The following ATP2A2 variants were observed in gnomAD, a reference collection of about 807,000 sequenced individuals.
ATP2A2 encodes ATPase sarcoplasmic/endoplasmic reticulum Ca2+ transporting 2, also known as sarcoplasmic/endoplasmic reticulum calcium ATPase 2.
ATP2A2 carries 14 observed loss-of-function variants against 109.3 expected under a neutral mutation model. The ratio of observed to expected loss-of-function variants is 0.13; its 90% CI spans 0.08 to 0.20. ATP2A2 has a LOEUF of 0.20. ATP2A2 is among the 10% of genes least tolerant of loss of function. The probability of loss-of-function intolerance (pLI) is 1.00; values close to 1 mark genes in which losing one functional copy is unlikely to be tolerated. For missense variants in ATP2A2, 657 were observed against 1,321.6 expected, an observed-to-expected ratio of 0.50 and a Z score of 7.80; for synonymous variants, 506 against 490.9, an observed-to-expected ratio of 1.03 and a Z score of -0.41.
In ATP2A2 at chr12:110,348,795, T is replaced by G; in HGVS notation, c.*2325T>G. ...AGGCTGCTTTGCCCAGCAGGGAACA[T>G]TTGGGGCAGGGGGTAAATTTTGCCA... On this transcript the variant is annotated 3_prime_UTR_variant, in exon 20 of 20. Coordinates refer to ENST00000539276, the MANE Select transcript of ATP2A2 (RefSeq NM_170665.4). 1.0e-6 allele frequency: 1 copy of G among 985,380 alleles called. No homozygotes were observed. Among genetic ancestry groups the G allele is most frequent in the Non-Finnish European group, 1.2e-6 (1 of 829,992 alleles). 61.0% of individuals were successfully genotyped at this position (985,380 alleles called of 1,614,324 possible). A position where few individuals can be genotyped will look rare whatever the true frequency, so the allele number is the denominator to read the frequency against.
In ATP2A2 at chr12:110,303,206, ATG is replaced by A. The variant is rs552544080; in HGVS notation, c.463+6477_463+6478del. Among the ~76,000 whole-genome samples the A allele has an allele frequency of 1.2e-4, 19 of 152,314 alleles. No individual in the cohort carries two copies. In the South Asian group the frequency reaches 3.7e-3, roughly 30 times the overall value. On this transcript the variant is annotated intron_variant, in intron 5 of 19. Transcript: ENST00000539276. ...TGTGCAGAACAAACAGTTGAAGTGT[ATG>A]TGTGTGTTCAATACAATTATTATTA... is the stretch of plus-strand genomic sequence containing the variant.
chr12:110,310,662 A>T (rs1169123635), intron 5 of ATP2A2, among the ~76,000 whole-genome samples: 8 of 151,814 alleles, frequency 5.3e-5, no homozygotes, highest in Non-Finnish European at 2.9e-5. Flanking sequence ...ACAATCTTAA[A>T]ATTGCATTTG....
intron 5 of ATP2A2, among the ~76,000 whole-genome samples, chr12:110,303,390 G>A (rs1021400478): frequency 3.3e-5 from 5 of 151,844 alleles, no homozygotes; most frequent in African/African-American, 4.8e-5. Flanking sequence ...ATTATGCCTG[G>A]CTTGCTTGCT....
At chr12:110,316,379 C>A (rs747855755) in intron 5 of ATP2A2, among the ~76,000 whole-genome samples, 8 of 152,148 alleles carry the variant, frequency 5.3e-5, no homozygotes, top group African/African-American at 9.7e-5. Flanking sequence ...TTAGTCTAAA[C>A]GTAGAATTTA....
chr12:110,346,653 CAT>C lies in ATP2A2; in HGVS notation c.*185_*186del, dbSNP rs1376276069. The C allele has an allele frequency of 4.1e-6, 6 of 1,458,012 alleles. No homozygotes were observed. In the African/African-American group the frequency reaches 7.1e-5, roughly 17 times the overall value. 90.3% of individuals were successfully genotyped at this position (1,458,012 alleles called of 1,614,324 possible). ...GGGCAAGATTTTCCTTTTTTATACACATAATTAAAGTGTCCATTGACATGTAC... is the reference window on the plus strand; with the variant it reads ...GGGCAAGATTTTCCTTTTTTATACACAATTAAAGTGTCCATTGACATGTAC... On this transcript the variant is annotated 3_prime_UTR_variant, in exon 20 of 20. Coordinates refer to ENST00000539276, the MANE Select transcript of ATP2A2 (RefSeq NM_170665.4).
Position 110,349,904 on chromosome 12 carries a change from C to T in ATP2A2, c.*3434C>T, listed in dbSNP as rs1592875088. 9.0e-7 allele frequency: 1 copy of T among 1,106,688 alleles called. No homozygotes were observed. The highest frequency in any genetic ancestry group is 1.1e-6 in the Non-Finnish European group (1 of 903,606). The allele number at this position is 1,106,688 out of a possible 1,614,324, so 68.6% of individuals were successfully genotyped here. A position where few individuals can be genotyped will look rare whatever the true frequency, so the allele number is the denominator to read the frequency against. The stretch of plus-strand genomic sequence containing the variant: ...AAGCCGGGTGCCCACAGGGCAGGGA[C>T]AGGAAGGCTGTGCTGCTACTGGCTG... On this transcript the variant is annotated 3_prime_UTR_variant, in exon 20 of 20. Coordinates refer to ENST00000539276, the MANE Select transcript of ATP2A2 (RefSeq NM_170665.4).
intron 11 of ATP2A2, among the ~76,000 whole-genome samples, chr12:110,337,382 G>A (rs1278861519): frequency 6.6e-6 from 1 of 152,194 alleles, no homozygotes; most frequent in African/African-American, 2.4e-5. Flanking sequence ...CCTCTTACCT[G>A]GGTAGGTCCA....
intron 3 of ATP2A2, among the ~76,000 whole-genome samples, chr12:110,285,676 T>C (rs1296401124): frequency 1.3e-5 from 2 of 152,136 alleles, no homozygotes; most frequent in Non-Finnish European, 2.9e-5. Flanking sequence ...CTGAAGGAGG[T>C]GGGCATTAGG....
chr12:110,315,215 G>A (rs1161232225), intron 5 of ATP2A2, among the ~76,000 whole-genome samples: 5 of 152,156 alleles, frequency 3.3e-5, no homozygotes, highest in Admixed American at 2.6e-4. Context: ...AAGAAGAATG[G>A]TGTTTGACCT....
chr12:110,299,698 C>A (rs982754802), intron 5 of ATP2A2, among the ~76,000 whole-genome samples: 1 of 152,156 alleles, frequency 6.6e-6, no homozygotes, highest in South Asian at 2.1e-4. Context: ...CGGCTCACTG[C>A]AGCATTGACC....
chr12:110,341,858 A>G (rs1879390220), intron 14 of ATP2A2, among the ~76,000 whole-genome samples: 3 of 152,222 alleles, frequency 2.0e-5, no homozygotes, highest in Admixed American at 1.3e-4. Context: ...ACAGAGCGGG[A>G]CTCCATCTCA....
At chr12:110,322,767 A>C (rs1447485353) in intron 5 of ATP2A2, among the ~76,000 whole-genome samples, 1 of 152,216 alleles carries the variant, frequency 6.6e-6, no homozygotes, top group Non-Finnish European at 1.5e-5. Context: ...AGGTTTCCTT[A>C]AGCCTCATTC....
At chr12:110,293,870 ATTTTTTTT>A (rs398021049) in intron 4 of ATP2A2, among the ~76,000 whole-genome samples, 84 of 73,304 alleles carry the variant, frequency 1.1e-3, no homozygotes, top group African/African-American at 4.9e-3. Context: ...GTGTGTATAT[ATTTTTTTT>A]TTTTTTTTTT....
At chr12:110,307,594 C>G (rs182623438) in intron 5 of ATP2A2, among the ~76,000 whole-genome samples, 1 of 152,236 alleles carries the variant, frequency 6.6e-6, no homozygotes, top group East Asian at 1.9e-4. Flanking sequence ...TTGCATCTCT[C>G]TACTAGTGAT....
At chr12:110,343,575 C>A in intron 16 of ATP2A2, 141 bp downstream of exon 16, 1 of 969,460 alleles carries the variant, frequency 1.0e-6, no homozygotes, top group Non-Finnish European at 1.6e-6. Context: ...TCTTACAGTT[C>A]GATGAACTAT....
Position 110,296,617 on chromosome 12 carries a change from G to A in ATP2A2, c.343G>A (p.Ala115Thr). ...GVWQERNAEN[A>T]IEALKEYEPE... ...TATACAGGAAAGAAATGCTGAAAAT[G>A]CCATCGAAGCCCTTAAGGAATATGA... Residue 115 changes from alanine to threonine, a missense_variant, in exon 5 of 20, where the codon GCC becomes ACC. Physicochemically the swap from Ala to Thr is moderately conservative, Grantham distance 58. Transcript: ENST00000539276. 5 of 1,614,124 alleles carry A rather than the reference G, an allele frequency of 3.1e-6. No homozygotes were observed. The highest frequency in any genetic ancestry group is 4.2e-6 in the Non-Finnish European group (5 of 1,180,018).
rs762002894 is a variant in ATP2A2 at position 110,340,113 on chromosome 12, T to C, written c.1761+392T>C. 6.6e-6 allele frequency among the ~76,000 whole-genome samples: 1 copy of C among 152,238 alleles called. No homozygotes were observed. Among genetic ancestry groups the C allele is most frequent in the Non-Finnish European group, 1.5e-5 (1 of 68,044 alleles). Reference sequence around the variant, plus strand: ...TTTTCTACTCAGAGTAGAATTCTTTTATATCAAGGATGTGACATCCTAAAG... The same window carrying C: ...TTTTCTACTCAGAGTAGAATTCTTTCATATCAAGGATGTGACATCCTAAAG... On this transcript the variant is annotated intron_variant, in intron 13 of 19. Coordinates refer to ENST00000539276, the MANE Select transcript of ATP2A2 (RefSeq NM_170665.4). This position sits in a 1 kb window ranked among gnomAD's most constrained non-coding sequence, Gnocchi z 6.0.
At chr12:110,301,923 A>T (rs1874690610) in intron 5 of ATP2A2, among the ~76,000 whole-genome samples, 1 of 152,120 alleles carries the variant, frequency 6.6e-6, no homozygotes, top group South Asian at 2.1e-4. Context: ...TAATTTGCTC[A>T]ATGCACTGAT....
chr12:110,322,409 A>G (rs1246376167), intron 5 of ATP2A2, among the ~76,000 whole-genome samples: 1 of 151,960 alleles, frequency 6.6e-6, no homozygotes, highest in African/African-American at 2.4e-5. Context: ...TGGGAGGTCA[A>G]GGGTGCAGTG....
Sources: allele counts gnomAD v4.1 joint callset (sites outside exome capture counted in the v4.1 genomes callset), GRCh38; gene constraint gnomAD v4.1.1; non-coding constraint Gnocchi (gnomAD v3.1); transcripts MANE v1.5; gene names NCBI Gene and HGNC (gene_info 2026-07-23, HGNC 2026-07-21).